Variants in MYBPC3 observed in about 807,000 individuals in gnomAD.
MYBPC3 encodes myosin binding protein C3.
A neutral mutation model predicts 159.3 loss-of-function variants in MYBPC3; 108 were observed. The ratio of observed to expected loss-of-function variants is 0.68; its 90% CI spans 0.58 to 0.80. MYBPC3 has a LOEUF of 0.80. Among genes scored for constraint, MYBPC3 ranks in the 30% least tolerant of loss-of-function variants. The pLI is 0.00. For missense variants in MYBPC3, 1,631 were observed against 1,762.1 expected (o/e 0.93, Z 1.33); for synonymous variants, 730 against 702.0 (o/e 1.04, Z -0.63).
At position 47,332,029 on chromosome 11, in the gene MYBPC3, C is replaced by A. The variant is rs373318897; in HGVS notation, c.3814+43G>T. ...AAAGCCCAGGGTCCCCACTGCCGCCCGCTCTTCCCATCTCCCAGGCCCTGG... is the reference window on the plus strand; with the variant it reads ...AAAGCCCAGGGTCCCCACTGCCGCCAGCTCTTCCCATCTCCCAGGCCCTGG... On this transcript the variant is annotated intron_variant, in intron 33 of 34. Coordinates refer to ENST00000545968, the MANE Select transcript of MYBPC3 (RefSeq NM_000256.3). The surrounding 1 kb of genome is among the most constrained non-coding windows in gnomAD (Gnocchi z 4.2). 1.2e-6 allele frequency: 2 copies of A among 1,601,268 alleles called. No individual in the cohort carries two copies. The highest frequency in any genetic ancestry group is 1.7e-5 in the Admixed American group (1 of 59,184).
rs369900803 is a variant in MYBPC3 at position 47,346,337 on chromosome 11, G to C, written c.960C>G (p.Asp320Glu). The C allele has an allele frequency of 6.2e-7, 1 of 1,607,312 alleles. No homozygotes were observed. The highest frequency in any genetic ancestry group is 1.1e-5 in the South Asian group (1 of 90,088). The change falls in exon 12 of 35, where the codon GAC becomes GAG. Residue 320 changes from aspartate (D) to glutamate (E), a missense_variant. Asp to Glu is a conservative substitution (Grantham distance 45). Transcript: ENST00000545968. The surrounding 1 kb of genome is among the most constrained non-coding windows in gnomAD (Gnocchi z 5.3). ...GTGCCTGCCGTAGGATCTCCCACAC[G>C]TCCTCCTCTGCTGGTGCCTCCAGCT... ...DSKLEAPAEE[D>E]VWEILRQAPP...
chr11:47,348,042 A>T (rs2095896222), intron 6 of MYBPC3, 137 bp from the exon 7 acceptor site: 13 of 864,028 alleles, frequency 1.5e-5, no homozygotes, highest in Middle Eastern at 2.2e-4. Flanking sequence ...CTGCCCCAGG[A>T]TCTCACCTTC....
In MYBPC3 at chr11:47,332,837, TCCTTGGTGGTGG is replaced by T. The variant is rs1487462821; in HGVS notation, c.3455_3466del (p.Ala1152_Lys1155del). 1 of 1,607,482 alleles carries T rather than the reference TCCTTGGTGGTGG, an allele frequency of 6.2e-7. No individual in the cohort carries two copies. Among genetic ancestry groups the T allele is most frequent in the Non-Finnish European group, 8.5e-7 (1 of 1,177,056 alleles). On this transcript the variant is annotated inframe_deletion, in exon 31 of 35. Coordinates refer to ENST00000545968, the MANE Select transcript of MYBPC3 (RefSeq NM_000256.3). The surrounding 1 kb of genome is among the most constrained non-coding windows in gnomAD (Gnocchi z 4.2). ...ACCTGGTCTGGGGATAAAGACGGGC[TCCTTGGTGGTGG>T]CCGCTCTGTCACTAAAGCCAACCAT...
chr11:47,334,082 C>T, intron 27 of MYBPC3, 72 bp from the exon 28 acceptor site: 2 of 1,425,978 alleles, frequency 1.4e-6, no homozygotes, highest in Non-Finnish European at 1.9e-6. Flanking sequence ...TCCAACCTCC[C>T]TTGAGACAAG....
At position 47,332,460 on chromosome 11, in the gene MYBPC3, G is replaced by C; in HGVS notation, c.3627+106C>G. 1 of 1,511,198 alleles carries C rather than the reference G, an allele frequency of 6.6e-7. No homozygotes were observed. Among genetic ancestry groups the C allele is most frequent in the Non-Finnish European group, 8.9e-7 (1 of 1,120,018 alleles). The allele number at this position is 1,511,198 out of a possible 1,614,324, so 93.6% of individuals were successfully genotyped here. On this transcript the variant is annotated intron_variant, in intron 32 of 34. Coordinates refer to ENST00000545968, the MANE Select transcript of MYBPC3 (RefSeq NM_000256.3). This position sits in a 1 kb window ranked among gnomAD's most constrained non-coding sequence, Gnocchi z 4.2. ...GAGGAACCCGGTCCATACACCCCAAGGTGGAGAGAAAGCAGGGGAGACAGG... is the reference window on the plus strand; with the variant it reads ...GAGGAACCCGGTCCATACACCCCAACGTGGAGAGAAAGCAGGGGAGACAGG...
At position 47,341,129 on chromosome 11, in the gene MYBPC3, C is replaced by G; in HGVS notation, c.1897+9G>C. 6.3e-7 allele frequency: 1 copy of G among 1,583,718 alleles called. No individual in the cohort carries two copies. The highest frequency in any genetic ancestry group is 8.6e-7 in the Non-Finnish European group (1 of 1,163,156). Reference sequence around the variant, plus strand: ...TGCCCCGACCCACCCTACCCTGGAGCAGGCTCACCCATGAAGTGGAGCTTG... The same window carrying G: ...TGCCCCGACCCACCCTACCCTGGAGGAGGCTCACCCATGAAGTGGAGCTTG... On this transcript the variant is annotated intron_variant, in intron 19 of 34. Coordinates refer to ENST00000545968, the MANE Select transcript of MYBPC3 (RefSeq NM_000256.3).
chr11:47,332,637 G>A lies in MYBPC3; in HGVS notation c.3556C>T (p.Pro1186Ser). ...GCGATGACCGAGCGGTTCACCAGGG[G>A]CTGGGTGAAGCTTGGGGCCTCGGAG... ...DFSEAPSFTQ[P>S]LVNRSVIAGY... Residue 1186 changes from proline (P) to serine (S), a missense_variant, in exon 32 of 35, where the codon CCC (proline) becomes TCC (serine). Physicochemically the swap from Pro to Ser is moderately conservative, Grantham distance 74 (BLOSUM62 -1). Transcript: ENST00000545968. This position sits in a 1 kb window ranked among gnomAD's most constrained non-coding sequence, Gnocchi z 4.2. The A allele has an allele frequency of 1.2e-6, 2 of 1,613,892 alleles. No homozygotes were observed. The highest frequency in any genetic ancestry group is 1.1e-5 in the South Asian group (1 of 91,090).
chr11:47,346,181 C>T lies in MYBPC3; in HGVS notation c.1090+26G>A. The T allele has an allele frequency of 6.2e-7, 1 of 1,612,934 alleles. No homozygotes were observed. The highest frequency in any genetic ancestry group is 2.2e-5 in the East Asian group (1 of 44,864). ...AGGGAAGGGCTAGCCTGTGCCCTCT[C>T]CTCTCCCCTCTGAGGAAGGGCTAAC... is the stretch of plus-strand genomic sequence containing the variant. On this transcript the variant is annotated intron_variant, in intron 12 of 34. Coordinates refer to ENST00000545968, the MANE Select transcript of MYBPC3 (RefSeq NM_000256.3). This position sits in a 1 kb window ranked among gnomAD's most constrained non-coding sequence, Gnocchi z 5.3.
intron 28 of MYBPC3, 53 bp from the exon 29 acceptor site, chr11:47,333,805 G>A (rs1363785017): frequency 2.3e-5 from 36 of 1,547,586 alleles, no homozygotes; most frequent in Admixed American, 1.3e-4. Flanking sequence ...AGGGCCGGCC[G>A]CCACCCCAGC....
At chr11:47,335,620 C>A (rs1352012164) in intron 26 of MYBPC3, 5 of 390,664 alleles carry the variant, frequency 1.3e-5, no homozygotes, top group Non-Finnish European at 2.3e-5. Flanking sequence ...AGCCATCGCG[C>A]CTGGCCTTAA....
rs972550485 is a variant in MYBPC3 at position 47,334,449 on chromosome 11, C to G, written c.2906-439G>C. Among the ~76,000 whole-genome samples, 2 of 152,184 alleles carry G rather than the reference C, an allele frequency of 1.3e-5. 1 individual carries two copies. The highest frequency in any genetic ancestry group is 1.3e-4 in the Admixed American group (2 of 15,280). On this transcript the variant is annotated intron_variant, in intron 27 of 34. Transcript: ENST00000545968. ...AGAGGGACCAATCTGACTACATAGA[C>G]AATATTTACCTGTTGGAGCTGAGAC...
Position 47,349,885 on chromosome 11 carries a change from G to A in MYBPC3, c.543C>T (p.Ala181=). 1 of 1,611,552 alleles carries A rather than the reference G, an allele frequency of 6.2e-7. No homozygotes were observed. Among genetic ancestry groups the A allele is most frequent in the Non-Finnish European group, 8.5e-7 (1 of 1,179,062 alleles). The change falls in exon 5 of 35, where the codon GCC becomes GCT. Residue 181 remains alanine, a synonymous_variant. Transcript: ENST00000545968. ...TGACCACAGGCGGCTTCAGGAGGCT[G>A]GCGCCGGCCACGCGGGCTGAGAAGG... ...SITFSARVAG[A]SLLKPPVVKW...
intron 23 of MYBPC3, 84 bp from the exon 24 acceptor site, chr11:47,337,878 T>A: frequency 8.5e-7 from 1 of 1,174,824 alleles, no homozygotes; most frequent in Non-Finnish European, 1.2e-6. Flanking sequence ...CCACTCCAAC[T>A]AACCGCCACA....
At chr11:47,347,533 G>A in intron 8 of MYBPC3, 54 bp from the exon 9 acceptor site, 1 of 1,572,700 alleles carries the variant, frequency 6.4e-7, no homozygotes, top group Non-Finnish European at 8.6e-7. Context: ...AAGGGATTAG[G>A]AGCAGGATGG....
At chr11:47,345,002 C>CTGG (rs1324858305) in intron 12 of MYBPC3, among the ~76,000 whole-genome samples, 2 of 152,162 alleles carry the variant, frequency 1.3e-5, no homozygotes, top group Admixed American at 1.3e-4. Flanking sequence ...GTTGGTCAGG[C>CTGG]TGGTCTTGAA....
In MYBPC3 at chr11:47,335,144, G is replaced by A; in HGVS notation, c.2803C>T (p.Pro935Ser). ...EHTSILVKDL[P>S]TGARLLFRVR... ...CGGAAAAGCAGCCGGGCCCCCGTGG[G>A]CAGGTCCTTCACCAGTATCGATGTG... Residue 935 changes from proline to serine, a missense_variant, in exon 27 of 35, where the codon CCC becomes TCC. Physicochemically the swap from Pro to Ser is moderately conservative, Grantham distance 74. Transcript: ENST00000545968. 6.2e-7 allele frequency: 1 copy of A among 1,612,866 alleles called. No individual in the cohort carries two copies. Among genetic ancestry groups the A allele is most frequent in the East Asian group, 2.2e-5 (1 of 44,740 alleles).
chr11:47,348,927 T>TATATATATA (rs1555123220), intron 5 of MYBPC3, among the ~76,000 whole-genome samples: 18 of 126,236 alleles, frequency 1.4e-4, no homozygotes, highest in Non-Finnish European at 2.4e-4. Context: ...TATATATATA[T>TATATATATA]TTAAAGGAGG....
chr11:47,351,719 G>A lies in MYBPC3; in HGVS notation c.26-214C>T, dbSNP rs1281684212. Among the ~76,000 whole-genome samples the A allele has an allele frequency of 1.3e-5, 2 of 152,220 alleles. No individual in the cohort carries two copies. Among genetic ancestry groups the A allele is most frequent in the Non-Finnish European group, 2.9e-5 (2 of 68,040 alleles). ...TAAGCGGCTCCTCCAAGATCACACA[G>A]CTAGCAGTCGGGAGAGCCAGGGCTG... On this transcript the variant is annotated intron_variant, in intron 1 of 34. Transcript: ENST00000545968. This position sits in a 1 kb window ranked among gnomAD's most constrained non-coding sequence, Gnocchi z 4.2.
At chr11:47,333,401 G>A in intron 29 of MYBPC3, 68 bp from the exon 30 acceptor site, 1 of 1,498,120 alleles carries the variant, frequency 6.7e-7, no homozygotes, top group South Asian at 1.3e-5. Context: ...CTGGCTCCAG[G>A]GACCACCCCA....
Sources: gnomAD v4.1 joint callset for allele counts (sites outside exome capture counted in the v4.1 genomes callset) on GRCh38, gnomAD v4.1.1 for gene constraint, Gnocchi (gnomAD v3.1) non-coding constraint, MANE v1.5 for transcripts, NCBI Gene and HGNC (gene_info 2026-07-23, HGNC 2026-07-21) for gene names.